PRKAG2: variants seen among roughly 807,000 people sequenced by gnomAD.
PRKAG2 encodes protein kinase AMP-activated non-catalytic subunit gamma 2.
Under a neutral mutation model 69.6 loss-of-function variants are expected in PRKAG2, and 26 were observed. The observed-to-expected ratio is 0.37, with a 90% confidence interval of 0.27 to 0.52. The LOEUF is 0.52. Among genes scored for constraint, PRKAG2 ranks in the 20% least tolerant of loss-of-function variants. PRKAG2 has a pLI of 0.90. For missense variants in PRKAG2, 557 were observed against 740.0 expected (o/e 0.75, Z 2.87); for synonymous variants, 293 against 285.0 (o/e 1.03, Z -0.28).
Position 151,814,824 on chromosome 7 carries a change from A to G in PRKAG2, c.115-28283T>C, listed in dbSNP as rs2078593519. On this transcript the variant is annotated intron_variant, in intron 1 of 15. Transcript: ENST00000287878. The surrounding 1 kb of genome is among the most constrained non-coding windows in gnomAD (Gnocchi z 4.8). ...CAGATTCCCCCATTGACGGGACTGC[A>G]GCAAACTGTCATTCCCACCTGTGTC... 42 of 1,231,820 alleles carry G rather than the reference A, an allele frequency of 3.4e-5. No homozygotes were observed. The highest frequency in any genetic ancestry group is 4.1e-5 in the Non-Finnish European group (41 of 988,018). 76.3% of individuals were successfully genotyped at this position (1,231,820 alleles called of 1,614,324 possible). A position where few individuals can be genotyped will look rare whatever the true frequency, so the allele number is the denominator to read the frequency against.
chr7:151,816,702 C>T (rs1275031542), intron 1 of PRKAG2, among the ~76,000 whole-genome samples: 4 of 152,248 alleles, frequency 2.6e-5, no homozygotes, highest in South Asian at 2.1e-4. Flanking sequence ...GCCAGCCCCC[C>T]GGGCACCGAT....
intron 1 of PRKAG2, among the ~76,000 whole-genome samples, chr7:151,830,037 C>T (rs1418016585): frequency 6.6e-6 from 1 of 151,442 alleles, no homozygotes; most frequent in Non-Finnish European, 1.5e-5. Flanking sequence ...TTATAGAATC[C>T]AAGGTTATTG....
intron 3 of PRKAG2, among the ~76,000 whole-genome samples, chr7:151,717,565 C>A (rs1212968192): frequency 3.9e-5 from 6 of 152,170 alleles, no homozygotes; most frequent in Non-Finnish European, 8.8e-5. Flanking sequence ...AGAAGGGCTG[C>A]CCCGGCCCCA....
chr7:151,776,470 A>G (rs896105617), intron 3 of PRKAG2, among the ~76,000 whole-genome samples: 7 of 152,198 alleles, frequency 4.6e-5, no homozygotes. Context: ...AGCCGAAAGG[A>G]GCCAGGAGTC....
Position 151,861,857 on chromosome 7 carries a change from C to T in PRKAG2, c.114+14650G>A, listed in dbSNP as rs545722309. Among the ~76,000 whole-genome samples the T allele has an allele frequency of 3.8e-3, 576 of 152,114 alleles. 3 individuals carry two copies. Among genetic ancestry groups the T allele is most frequent in the African/African-American group, 0.013 (532 of 41,520 alleles). ...GGGGCAATCATTGACACCGGGGTTGCGACCTTGGCCTCTGGCACCCAAACT... is the reference window on the plus strand; with the variant it reads ...GGGGCAATCATTGACACCGGGGTTGTGACCTTGGCCTCTGGCACCCAAACT... On this transcript the variant is annotated intron_variant, in intron 1 of 15. Transcript: ENST00000287878.
At chr7:151,622,418 A>G (rs1436694590) in intron 5 of PRKAG2, among the ~76,000 whole-genome samples, 2 of 152,214 alleles carry the variant, frequency 1.3e-5, no homozygotes, top group African/African-American at 4.8e-5. Context: ...CACTGACAAG[A>G]ATTACTACTG....
rs1316220915 is a variant in PRKAG2, at chr7:151,814,079, G to A, written c.115-27538C>T. 1.3e-5 allele frequency among the ~76,000 whole-genome samples: 2 copies of A among 152,202 alleles called. No individual in the cohort carries two copies. Among genetic ancestry groups the A allele is most frequent in the South Asian group, 2.1e-4 (1 of 4,832 alleles). On this transcript the variant is annotated intron_variant, in intron 1 of 15. Coordinates refer to ENST00000287878, the MANE Select transcript of PRKAG2 (RefSeq NM_016203.4). The surrounding 1 kb of genome is among the most constrained non-coding windows in gnomAD (Gnocchi z 4.8). ...ACCCTGTACCCAGGACCCAGTGTGT[G>A]AGGCAGCTCTGCTCAGCCTGGCAGG...
At chr7:151,664,481 C>A (rs1416470064) in intron 4 of PRKAG2, among the ~76,000 whole-genome samples, 1 of 152,154 alleles carries the variant, frequency 6.6e-6, no homozygotes, top group Non-Finnish European at 1.5e-5. Context: ...TCACTCACAT[C>A]TCCTCTTCAC....
chr7:151,777,563 C>T lies in PRKAG2; in HGVS notation c.466+3589G>A, dbSNP rs370458444. Among the ~76,000 whole-genome samples, 64 of 152,262 alleles carry T rather than the reference C, an allele frequency of 4.2e-4. No homozygotes were observed. Among genetic ancestry groups the T allele is most frequent in the African/African-American group, 1.4e-3 (58 of 41,556 alleles). On this transcript the variant is annotated intron_variant, in intron 3 of 15. Coordinates refer to ENST00000287878, the MANE Select transcript of PRKAG2 (RefSeq NM_016203.4). This position sits in a 1 kb window ranked among gnomAD's most constrained non-coding sequence, Gnocchi z 4.3. ...CCTTGCGTGTGAGCTCTGCATACCC[C>T]GGCTTTCCTTCGCCTTCCTCCATGA...
chr7:151,593,954 G>C (rs1165505009), intron 6 of PRKAG2, among the ~76,000 whole-genome samples: 1 of 152,236 alleles, frequency 6.6e-6, no homozygotes, highest in East Asian at 1.9e-4. Context: ...ACAGAATACA[G>C]GTAAGGGGCT....
intron 3 of PRKAG2, among the ~76,000 whole-genome samples, chr7:151,724,223 C>T (rs1173056104): frequency 2.0e-5 from 3 of 152,324 alleles, no homozygotes; most frequent in Non-Finnish European, 2.9e-5. Flanking sequence ...TATAACAACA[C>T]ACTGGATTTG....
intron 6 of PRKAG2, among the ~76,000 whole-genome samples, chr7:151,587,697 C>T (rs1276143550): frequency 1.3e-5 from 2 of 152,100 alleles, no homozygotes; most frequent in African/African-American, 4.8e-5. Flanking sequence ...ACCAACACTC[C>T]TCAAAACCGT....
At chr7:151,684,563 G>A (rs1834401276) in intron 3 of PRKAG2, among the ~76,000 whole-genome samples, 1 of 152,170 alleles carries the variant, frequency 6.6e-6, no homozygotes. Flanking sequence ...ATTCAGTATG[G>A]GCAGCTGCCA....
intron 1 of PRKAG2, among the ~76,000 whole-genome samples, chr7:151,808,901 A>C (rs2078267061): frequency 6.6e-6 from 1 of 152,140 alleles, no homozygotes; most frequent in African/African-American, 2.4e-5. Context: ...CTAACGCCGC[A>C]GTGGGGCACT....
chr7:151,743,910 C>A (rs1203505903), intron 3 of PRKAG2, among the ~76,000 whole-genome samples: 2 of 152,204 alleles, frequency 1.3e-5, no homozygotes, highest in Non-Finnish European at 2.9e-5. Context: ...GTCCCGTTCA[C>A]TCTAATACTT....
chr7:151,794,248 C>T (rs2077388610), intron 1 of PRKAG2, among the ~76,000 whole-genome samples: 1 of 152,260 alleles, frequency 6.6e-6, no homozygotes, highest in Admixed American at 6.5e-5. Context: ...TCCCTAGCTC[C>T]ATATCAGCAC....
chr7:151,657,296 G>A (rs1829579175), intron 4 of PRKAG2, among the ~76,000 whole-genome samples: 1 of 152,172 alleles, frequency 6.6e-6, no homozygotes, highest in South Asian at 2.1e-4. Context: ...CTCAAAGCTT[G>A]CACCTTTCCT....
Position 151,846,200 on chromosome 7 carries a change from C to A in PRKAG2, c.114+30307G>T, listed in dbSNP as rs571913232. Among the ~76,000 whole-genome samples the A allele has an allele frequency of 9.2e-5, 14 of 152,288 alleles. No homozygotes were observed. The South Asian group carries it at 2.5e-3, about 27-fold the overall frequency. On this transcript the variant is annotated intron_variant, in intron 1 of 15. Coordinates refer to ENST00000287878, the MANE Select transcript of PRKAG2 (RefSeq NM_016203.4). ...TTTTAAAAATAAATGTAAGGCCGGG[C>A]GCGGTGGTTCACAGTTGTAATCCCA... is the stretch of plus-strand genomic sequence containing the variant.
intron 3 of PRKAG2, among the ~76,000 whole-genome samples, chr7:151,716,422 G>A (rs1019569580): frequency 2.0e-5 from 3 of 152,178 alleles, no homozygotes; most frequent in East Asian, 3.9e-4. Context: ...GCAGGGGTCC[G>A]TATGTGGACT....
Sources: gnomAD v4.1 joint callset for allele counts (sites outside exome capture counted in the v4.1 genomes callset) on GRCh38, gnomAD v4.1.1 for gene constraint, Gnocchi (gnomAD v3.1) non-coding constraint, MANE v1.5 for transcripts, NCBI Gene and HGNC (gene_info 2026-07-23, HGNC 2026-07-21) for gene names.